Variants in ZFPM2 observed in about 807,000 individuals in gnomAD.
The protein encoded by ZFPM2 is zinc finger protein, FOG family member 2, also known as zinc finger protein ZFPM2.
In ZFPM2, 20 loss-of-function variants were observed where a neutral mutation model predicts 98.6. The ratio of observed to expected loss-of-function variants is 0.20; its 90% CI spans 0.14 to 0.29. The LOEUF is 0.29. ZFPM2 is among the 10% of genes least tolerant of loss of function. The pLI is 1.00. For missense variants in ZFPM2, 1,310 were observed against 1,388.6 expected, an observed-to-expected ratio of 0.94 and a Z score of 0.90; for synonymous variants, 518 against 502.7, an observed-to-expected ratio of 1.03 and a Z score of -0.41.
chr8:105,355,184 A>G (rs1404345260), intron 1 of ZFPM2, among the ~76,000 whole-genome samples: 2 of 152,194 alleles, frequency 1.3e-5, no homozygotes, highest in African/African-American at 4.8e-5. Flanking sequence ...CATTCCTACT[A>G]TGCTTTTATT....
chr8:105,794,894 G>T (rs1813742675), intron 6 of ZFPM2, among the ~76,000 whole-genome samples: 1 of 152,236 alleles, frequency 6.6e-6, no homozygotes, highest in Non-Finnish European at 1.5e-5. Context: ...CCCGGTGCAG[G>T]ATATAATCTC....
At chr8:105,347,146 A>G (rs1390829328) in intron 1 of ZFPM2, among the ~76,000 whole-genome samples, 1 of 151,676 alleles carries the variant, frequency 6.6e-6, no homozygotes, top group East Asian at 1.9e-4. Flanking sequence ...CCGCCCCCCA[A>G]AACCCTTAGG....
At chr8:105,644,902 A>G (rs956198253) in intron 5 of ZFPM2, among the ~76,000 whole-genome samples, 7 of 152,272 alleles carry the variant, frequency 4.6e-5, no homozygotes, top group African/African-American at 1.4e-4. Flanking sequence ...ATGCCATCAC[A>G]TTTGGGGTTA....
chr8:105,501,229 T>G (rs893514479), intron 3 of ZFPM2, among the ~76,000 whole-genome samples: 3 of 150,916 alleles, frequency 2.0e-5, no homozygotes, highest in African/African-American at 7.3e-5. Flanking sequence ...GTCGCCCAGG[T>G]TGCAGTGCAG....
At chr8:105,740,410 AAC>A (rs1300263943) in intron 5 of ZFPM2, among the ~76,000 whole-genome samples, 4 of 150,912 alleles carry the variant, frequency 2.7e-5, no homozygotes, top group Non-Finnish European at 5.9e-5. Context: ...ATAGCATAGA[AAC>A]ACATCATAAA....
At chr8:105,649,775 C>T (rs1361411244) in intron 5 of ZFPM2, among the ~76,000 whole-genome samples, 1 of 152,032 alleles carries the variant, frequency 6.6e-6, no homozygotes, top group Non-Finnish European at 1.5e-5. Flanking sequence ...CTGCTGGATT[C>T]AGTTTGCCAG....
At chr8:105,496,907 G>A (rs1244852409) in intron 3 of ZFPM2, among the ~76,000 whole-genome samples, 5 of 146,942 alleles carry the variant, frequency 3.4e-5, no homozygotes, top group African/African-American at 7.4e-5. Context: ...ACTTGAATCC[G>A]GGAGTCAGAG....
At chr8:105,432,406 G>C (rs192322728) in intron 2 of ZFPM2, among the ~76,000 whole-genome samples, 1 of 152,148 alleles carries the variant, frequency 6.6e-6, no homozygotes, top group East Asian at 1.9e-4. Flanking sequence ...AGGCCTATGC[G>C]TTCTCTATTG....
intron 5 of ZFPM2, among the ~76,000 whole-genome samples, chr8:105,788,101 T>A (rs926138459): frequency 6.6e-6 from 1 of 152,136 alleles, no homozygotes; most frequent in African/African-American, 2.4e-5. Flanking sequence ...ATGAAGAAGC[T>A]ACATTATACG....
chr8:105,466,200 G>A (rs116758942), intron 3 of ZFPM2, among the ~76,000 whole-genome samples: 3,125 of 151,896 alleles, frequency 0.021, 107 homozygotes, highest in African/African-American at 0.071. Flanking sequence ...TTTTATAGGG[G>A]GATGGATGTG....
At chr8:105,655,876 T>C (rs760282283) in intron 5 of ZFPM2, among the ~76,000 whole-genome samples, 5 of 152,240 alleles carry the variant, frequency 3.3e-5, no homozygotes, top group Non-Finnish European at 4.4e-5. Flanking sequence ...TTAAATGTCT[T>C]GTTCAAGGCA....
At chr8:105,457,341 ACTT>A (rs1812612695) in intron 3 of ZFPM2, among the ~76,000 whole-genome samples, 1 of 152,196 alleles carries the variant, frequency 6.6e-6, no homozygotes, top group African/African-American at 2.4e-5. Context: ...TAGATTTTGC[ACTT>A]CTTCCCCTGC....
rs375408083 is a variant in ZFPM2 at position 105,785,764 on chromosome 8, C to G, written c.533-2954C>G. ...ACAAAAAATATTTTAAAAAATTGGC[C>G]GGGCTTGGTGGCTCACGCCTGCAAT... On this transcript the variant is annotated intron_variant, in intron 5 of 7. Transcript: ENST00000407775. Among the ~76,000 whole-genome samples, 22 of 151,730 alleles carry G rather than the reference C, an allele frequency of 1.4e-4. No homozygotes were observed. In the South Asian group the frequency reaches 4.6e-3, roughly 32 times the overall value.
Position 105,801,074 on chromosome 8 carries a change from C to G in ZFPM2, c.992C>G (p.Pro331Arg). ...SGVKMEEFLPPGASLKCTVCS... is the reference protein window; with the variant it reads ...SGVKMEEFLPRGASLKCTVCS... The stretch of plus-strand genomic sequence containing the variant: ...GTGAAAATGGAAGAATTCCTGCCCC[C>G]TGGTGCTAGTCTAAAATGCACCGTC... Residue 331 changes from proline to arginine, a missense_variant, in exon 8 of 8, where the codon CCT (proline) becomes CGT (arginine). Coordinates refer to ENST00000407775, the MANE Select transcript of ZFPM2 (RefSeq NM_012082.4). 2 of 1,613,542 alleles carry G rather than the reference C, an allele frequency of 1.2e-6. No individual in the cohort carries two copies. The highest frequency in any genetic ancestry group is 1.7e-6 in the Non-Finnish European group (2 of 1,179,502).
intron 5 of ZFPM2, among the ~76,000 whole-genome samples, chr8:105,731,259 T>A (rs1332141350): frequency 6.6e-6 from 1 of 151,512 alleles, no homozygotes; most frequent in African/African-American, 2.4e-5. Flanking sequence ...AAACCACTTC[T>A]CCTTTTTCCA....
At chr8:105,762,349 G>A (rs1197427038) in intron 5 of ZFPM2, among the ~76,000 whole-genome samples, 6 of 151,914 alleles carry the variant, frequency 3.9e-5, no homozygotes, top group African/African-American at 1.4e-4. Flanking sequence ...GGTGGGGAAT[G>A]AAGTTTTTGG....
intron 3 of ZFPM2, among the ~76,000 whole-genome samples, chr8:105,492,439 A>C (rs1222038407): frequency 6.6e-6 from 1 of 152,194 alleles, no homozygotes; most frequent in East Asian, 1.9e-4. Context: ...CTGAAAAAAT[A>C]CTATTTTGTA....
chr8:105,606,931 A>T (rs1816208733), intron 4 of ZFPM2, among the ~76,000 whole-genome samples: 1 of 152,098 alleles, frequency 6.6e-6, no homozygotes, highest in Non-Finnish European at 1.5e-5. Flanking sequence ...AGAAAATAAT[A>T]AGTTTGTCTT....
At chr8:105,540,095 C>T (rs1405610313) in intron 3 of ZFPM2, among the ~76,000 whole-genome samples, 3 of 152,068 alleles carry the variant, frequency 2.0e-5, no homozygotes, top group African/African-American at 4.8e-5. Flanking sequence ...TTATCTCTCT[C>T]CCCATCTCTG....
Sources: gnomAD v4.1 joint callset for allele counts (sites outside exome capture counted in the v4.1 genomes callset) on GRCh38, gnomAD v4.1.1 for gene constraint, MANE v1.5 for transcripts, NCBI Gene and HGNC (gene_info 2026-07-23, HGNC 2026-07-21) for gene names.